Variants in CAST observed in about 807,000 individuals in gnomAD.
CAST encodes the protein MIR583 host.
Under a neutral mutation model 119.6 loss-of-function variants are expected in CAST, and 76 were observed. The ratio of observed to expected loss-of-function variants is 0.64; its 90% CI spans 0.53 to 0.77. The LOEUF (loss-of-function observed/expected upper bound fraction) is 0.77. CAST is among the 30% of genes least tolerant of loss of function. The pLI, the probability that CAST is intolerant of heterozygous loss-of-function variation, is 0.00. For synonymous variants in CAST, 319 were observed against 331.6 expected (o/e 0.96, Z 0.41); for missense variants, 953 against 946.5 (o/e 1.01, Z -0.09).
At chr5:96,375,906 TATATATAA>T in the CAST span, among the ~76,000 whole-genome samples, 2 of 147,452 alleles carry the variant, frequency 1.4e-5, no homozygotes, top group East Asian at 1.9e-4. Flanking sequence ...TCTCTATATA[TATATATAA>T]ATATATAAAT....
the CAST span, among the ~76,000 whole-genome samples, chr5:96,150,464 G>C: frequency 6.6e-6 from 1 of 152,192 alleles, no homozygotes; most frequent in East Asian, 1.9e-4. Context: ...CTAGTAGGGA[G>C]GAGGCTTCCA....
the CAST span, among the ~76,000 whole-genome samples, chr5:96,136,621 A>G: frequency 2.0e-5 from 3 of 152,272 alleles, no homozygotes; most frequent in African/African-American, 7.2e-5. Flanking sequence ...ATATGAATAT[A>G]TTTTTCTATA....
At chr5:96,468,248 G>C in the CAST span, among the ~76,000 whole-genome samples, 4 of 152,040 alleles carry the variant, frequency 2.6e-5, no homozygotes. Context: ...GTGGAGAGGA[G>C]TGAGAATAAA....
the CAST span, among the ~76,000 whole-genome samples, chr5:96,008,146 G>A: frequency 6.6e-6 from 1 of 152,118 alleles, no homozygotes; most frequent in Non-Finnish European, 1.5e-5. Context: ...CCAGTCTATG[G>A]TATTTTGTTA....
the CAST span, among the ~76,000 whole-genome samples, chr5:96,338,207 T>C: frequency 1.3e-5 from 2 of 152,244 alleles, no homozygotes; most frequent in Admixed American, 1.3e-4. Flanking sequence ...AACAAACCTA[T>C]TTTTATTCTG....
chr5:96,228,167 G>C, the CAST span, among the ~76,000 whole-genome samples: 1 of 152,118 alleles, frequency 6.6e-6, no homozygotes, highest in African/African-American at 2.4e-5. Context: ...GATGGAGAGA[G>C]AGCAGAGTAG....
At chr5:96,558,559 A>T (rs1211284420) in intron 1 of CAST, among the ~76,000 whole-genome samples, 1 of 152,232 alleles carries the variant, frequency 6.6e-6, no homozygotes, top group Non-Finnish European at 1.5e-5. Context: ...ACAAACTACC[A>T]TCAGAGAATA....
chr5:96,253,175 C>A, the CAST span, among the ~76,000 whole-genome samples: 10 of 152,018 alleles, frequency 6.6e-5, no homozygotes, highest in South Asian at 2.1e-4. Flanking sequence ...GTGGTGGTTG[C>A]TAGCTTTCTT....
At chr5:96,115,328 C>T in the CAST span, among the ~76,000 whole-genome samples, 2 of 152,148 alleles carry the variant, frequency 1.3e-5, no homozygotes, top group African/African-American at 4.8e-5. Context: ...AAAAACAAAC[C>T]CTGTCTTATC....
intron 3 of CAST, among the ~76,000 whole-genome samples, chr5:96,699,331 G>A (rs993514253): frequency 6.6e-6 from 1 of 152,190 alleles, no homozygotes; most frequent in African/African-American, 2.4e-5. Flanking sequence ...TTAAGAAGAT[G>A]TACTGGTTAA....
the CAST span, among the ~76,000 whole-genome samples, chr5:96,493,996 T>G: frequency 1.3e-4 from 20 of 152,182 alleles, no homozygotes; most frequent in African/African-American, 4.6e-4. Context: ...ATCATGCCCC[T>G]GCACTCCAGC....
At chr5:95,992,492 A>G in the CAST span, among the ~76,000 whole-genome samples, 279 of 152,168 alleles carry the variant, frequency 1.8e-3, no homozygotes, top group African/African-American at 6.5e-3. Flanking sequence ...ACATTGCACA[A>G]AATACGTGAT....
chr5:96,182,392 G>A, the CAST span, among the ~76,000 whole-genome samples: 2 of 152,194 alleles, frequency 1.3e-5, no homozygotes, highest in Non-Finnish European at 2.9e-5. Flanking sequence ...CCTATGAGTT[G>A]GAGTAAAGCA....
At chr5:96,085,647 C>T in the CAST span, among the ~76,000 whole-genome samples, 1 of 152,150 alleles carries the variant, frequency 6.6e-6, no homozygotes, top group South Asian at 2.1e-4. Flanking sequence ...TTAAACAATG[C>T]CCTGTTTGCA....
chr5:96,043,097 G>A, the CAST span, among the ~76,000 whole-genome samples: 7 of 152,028 alleles, frequency 4.6e-5, no homozygotes, highest in East Asian at 5.8e-4. Flanking sequence ...ATGACTAATA[G>A]TATATCTGAA....
intron 1 of CAST, among the ~76,000 whole-genome samples, chr5:96,673,975 A>C (rs1750415641): frequency 1.3e-5 from 2 of 152,202 alleles, no homozygotes; most frequent in African/African-American, 4.8e-5. Context: ...CTGGGTAAGA[A>C]TTGTAGAGTC....
the CAST span, among the ~76,000 whole-genome samples, chr5:96,320,754 A>G: frequency 6.6e-6 from 1 of 152,068 alleles, no homozygotes; most frequent in South Asian, 2.1e-4. Context: ...CTGAAAAACT[A>G]TTTAACCTCA....
the CAST span, among the ~76,000 whole-genome samples, chr5:96,276,423 T>C: frequency 6.6e-6 from 1 of 152,226 alleles, no homozygotes; most frequent in Admixed American, 6.5e-5. Flanking sequence ...TTTTTACATA[T>C]GTTATTTTAT....
At chr5:96,312,518 T>C in the CAST span, among the ~76,000 whole-genome samples, 2 of 152,112 alleles carry the variant, frequency 1.3e-5, no homozygotes, top group Non-Finnish European at 2.9e-5. Flanking sequence ...ACCAAGGCTG[T>C]CAAAACAAGG....
Sources: gnomAD v4.1 joint callset for allele counts (sites outside exome capture counted in the v4.1 genomes callset) on GRCh38, gnomAD v4.1.1 for gene constraint, MANE v1.5 for transcripts, NCBI Gene and HGNC (gene_info 2026-07-23, HGNC 2026-07-21) for gene names.